The following PCNX2 variants were observed in gnomAD, a reference collection of about 807,000 sequenced individuals.
The protein encoded by PCNX2 is pecanex-like protein 2.
PCNX2 carries 168 observed loss-of-function variants against 223.8 expected under a neutral mutation model. The observed-to-expected ratio is 0.75, with a 90% CI of 0.66 to 0.85. The LOEUF (loss-of-function observed/expected upper bound fraction) is 0.85, where lower values mean the gene tolerates loss of function less well. Ranked by LOEUF, PCNX2 falls within the 40% of genes least tolerant of loss-of-function variation. PCNX2 has a pLI of 0.00. For missense variants in PCNX2, 2,507 were observed against 2,675.5 expected (o/e 0.94, Z 1.39); for synonymous variants, 1,006 against 1,052.6 (o/e 0.96, Z 0.86).
At chr1:233,259,930 T>C (rs994013149) in intron 4 of PCNX2, 12 of 556,784 alleles carry the variant, frequency 2.2e-5, no homozygotes, top group African/African-American at 4.1e-5. Flanking sequence ...AGCATTTACA[T>C]TGTATTAGGT....
chr1:233,270,561 G>C (rs1660588479), intron 1 of PCNX2, among the ~76,000 whole-genome samples: 1 of 152,122 alleles, frequency 6.6e-6, no homozygotes, highest in South Asian at 2.1e-4. Flanking sequence ...AAAATGATGA[G>C]GTAGATGGAA....
At chr1:233,054,177 C>T in intron 25 of PCNX2, 91 bp downstream of exon 25, 1 of 1,192,898 alleles carries the variant, frequency 8.4e-7, no homozygotes, top group Non-Finnish European at 1.2e-6. Flanking sequence ...TAAGTTTTTC[C>T]TGTTTAACAG....
At chr1:233,138,129 T>A (rs549766359) in intron 20 of PCNX2, among the ~76,000 whole-genome samples, 68 of 152,314 alleles carry the variant, frequency 4.5e-4, no homozygotes, top group African/African-American at 1.6e-3. Flanking sequence ...TAGAAAGGAA[T>A]TTCCACCTTT....
In PCNX2 at chr1:233,054,283, C is replaced by T. The variant is rs1672110191; in HGVS notation, c.4336G>A (p.Gly1446Arg). ...AAATTCTTACCTCGGAATTCCAGTC[C>T]TCGAAGTTGAAAGGTGACAAGACCA... ...GNGLVTFQLR[G>R]LEFRGTYCQQ... Residue 1446 changes from glycine to arginine, a missense_variant, in exon 25 of 34, where the codon GGA (glycine) becomes AGA (arginine). This residue lies in a region of PCNX2 where 1,372 missense variants were observed against 1,509.4 expected (regional missense o/e 0.91). Coordinates refer to ENST00000258229, the MANE Select transcript of PCNX2 (RefSeq NM_014801.4). 1 of 1,613,352 alleles carries T rather than the reference C, an allele frequency of 6.2e-7. No homozygotes were observed. The highest frequency in any genetic ancestry group is 1.3e-5 in the African/African-American group (1 of 74,846).
chr1:233,032,198 G>A, intron 25 of PCNX2: 6 of 446,620 alleles, frequency 1.3e-5, no homozygotes, highest in Non-Finnish European at 1.8e-5. Context: ...CGCCTCCCGG[G>A]TTCAAGCGAT....
In PCNX2 at chr1:232,984,601, G is replaced by GC. The variant is rs1262158708; in HGVS notation, c.6241-125_6241-124insG. On this transcript the variant is annotated intron_variant, in intron 33 of 33. Transcript: ENST00000258229. ...TAGCGCTGCCATATCCTTGAGGTCA[G>GC]GTTCTAAAGTCAGGTCAAATGATAG... The GC allele has an allele frequency of 4.5e-6, 5 of 1,120,988 alleles. No homozygotes were observed. The African/African-American group carries it at 6.3e-5, about 14-fold the overall frequency. 69.4% of individuals were successfully genotyped at this position (1,120,988 alleles called of 1,614,324 possible). A position where few individuals can be genotyped will look rare whatever the true frequency, so the allele number is the denominator to read the frequency against.
chr1:233,036,277 C>T (rs1671451105), intron 25 of PCNX2, among the ~76,000 whole-genome samples: 1 of 152,118 alleles, frequency 6.6e-6, no homozygotes, highest in Admixed American at 6.6e-5. Flanking sequence ...TCTTAGAGGA[C>T]ATCTCTGTAT....
intron 23 of PCNX2, chr1:233,058,595 C>T (rs1379653658): frequency 6.6e-6 from 1 of 152,092 alleles, no homozygotes; most frequent in African/African-American, 2.4e-5. Flanking sequence ...TAATGAAGGT[C>T]CCACTGACAA....
intron 15 of PCNX2, 28 bp downstream of exon 15, chr1:233,198,911 G>T (rs1680889670): frequency 1.3e-6 from 2 of 1,536,708 alleles, no homozygotes; most frequent in African/African-American, 1.4e-5. Flanking sequence ...AATCGAGAAG[G>T]ATGAGGGCCC....
chr1:233,219,133 T>C (rs1657213014), intron 10 of PCNX2, among the ~76,000 whole-genome samples: 1 of 151,576 alleles, frequency 6.6e-6, no homozygotes, highest in Non-Finnish European at 1.5e-5. Flanking sequence ...TGTTATCAGG[T>C]GGGTATGCAA....
intron 1 of PCNX2, among the ~76,000 whole-genome samples, chr1:233,266,402 A>C (rs1660333429): frequency 6.6e-6 from 1 of 152,126 alleles, no homozygotes. Context: ...AATTGAATCT[A>C]GCATCTCCAA....
At position 233,056,590 on chromosome 1, in the gene PCNX2, C is replaced by T. The variant is rs529602193; in HGVS notation, c.4135+642G>A. Among the ~76,000 whole-genome samples, 286 of 152,146 alleles carry T rather than the reference C, an allele frequency of 1.9e-3. 1 individual carries two copies. Among genetic ancestry groups the T allele is most frequent in the Non-Finnish European group, 3.3e-3 (225 of 67,992 alleles). ...TATCTCAAATTTCGAATTTTGATTT[C>T]GAATTAATCATGTAGATGCAATTCA... On this transcript the variant is annotated intron_variant, in intron 24 of 33. Coordinates refer to ENST00000258229, the MANE Select transcript of PCNX2 (RefSeq NM_014801.4).
chr1:233,089,874 T>C (rs1673782242), intron 23 of PCNX2, 187 bp downstream of exon 23: 1 of 1,371,722 alleles, frequency 7.3e-7, no homozygotes, highest in South Asian at 1.9e-5. Flanking sequence ...AGTCATGTTC[T>C]TTCCAGATCC....
intron 19 of PCNX2, among the ~76,000 whole-genome samples, chr1:233,152,766 C>A (rs1030276208): frequency 2.2e-4 from 34 of 152,176 alleles, no homozygotes; most frequent in African/African-American, 7.5e-4. Flanking sequence ...TCCCAAGGCA[C>A]AAAGTCAGGT....
At position 233,258,991 on chromosome 1, in the gene PCNX2, G is replaced by T; in HGVS notation, c.871C>A (p.Pro291Thr). 1 of 1,613,904 alleles carries T rather than the reference G, an allele frequency of 6.2e-7. No individual in the cohort carries two copies. Among genetic ancestry groups the T allele is most frequent in the South Asian group, 1.1e-5 (1 of 91,078 alleles). Residue 291 changes from proline (P) to threonine (T), a missense_variant, in exon 5 of 34, where the codon CCC (proline) becomes ACC (threonine). Physicochemically the swap from Pro to Thr is conservative, Grantham distance 38. Coordinates refer to ENST00000258229, the MANE Select transcript of PCNX2 (RefSeq NM_014801.4). The part of the protein sequence containing the change: ...SVLIPEPVSC[P>T]RGSIRERVQS... ...ACCCGTTCCCTTATGGAGCCCCGGG[G>T]ACAACTGACAGGTTCTGGAATCAGG...
chr1:233,202,923 ACTCATTT>A (rs1338980342), intron 13 of PCNX2, among the ~76,000 whole-genome samples: 1 of 152,100 alleles, frequency 6.6e-6, no homozygotes, highest in Non-Finnish European at 1.5e-5. Context: ...ATGCCAGAGA[ACTCATTT>A]CACTAAGCAA....
intron 21 of PCNX2, among the ~76,000 whole-genome samples, chr1:233,109,202 C>T (rs1277336121): frequency 6.6e-6 from 1 of 152,172 alleles, no homozygotes; most frequent in Non-Finnish European, 1.5e-5. Flanking sequence ...AATGTATGCA[C>T]ATTTTCAGGC....
chr1:233,020,692 G>C (rs1173018974), intron 26 of PCNX2, among the ~76,000 whole-genome samples: 1 of 152,250 alleles, frequency 6.6e-6, no homozygotes, highest in Non-Finnish European at 1.5e-5. Context: ...GACAGCAGGA[G>C]AGCCAGGCCC....
In PCNX2 at chr1:233,227,368, C is replaced by T. The variant is rs1014629715; in HGVS notation, c.2362G>A (p.Val788Met). ...GACGAGGCTTCCAGATCCTGACTCA[C>T]ATGCTTTTAGATACCAAAAGAAACA... is the stretch of plus-strand genomic sequence containing the variant. Reference protein sequence around the residue: ...RRTQSETPRHVSQDLEASSCS... With the variant: ...RRTQSETPRHMSQDLEASSCS... Residue 788 changes from valine (V) to methionine (M), a missense_variant, in exon 10 of 34, where the codon GTG becomes ATG. Val to Met is a conservative substitution (Grantham distance 21). This residue lies in a region of PCNX2 where 1,031 missense variants were observed against 1,021.7 expected (regional missense o/e 1.01). Coordinates refer to ENST00000258229, the MANE Select transcript of PCNX2 (RefSeq NM_014801.4). The T allele has an allele frequency of 6.2e-7, 1 of 1,612,028 alleles. No individual in the cohort carries two copies. Among genetic ancestry groups the T allele is most frequent in the South Asian group, 1.1e-5 (1 of 90,732 alleles).
Sources: allele counts gnomAD v4.1 joint callset (sites outside exome capture counted in the v4.1 genomes callset), GRCh38; gene constraint gnomAD v4.1.1; regional missense constraint gnomAD v4.1.1; transcripts MANE v1.5; gene names NCBI Gene and HGNC (gene_info 2026-07-23, HGNC 2026-07-21).